ANKRD17: variants seen among roughly 807,000 people sequenced by gnomAD.
ANKRD17 encodes ankyrin repeat domain 17.
A neutral mutation model predicts 229.7 loss-of-function variants in ANKRD17; 19 were observed. The observed-to-expected ratio is 0.08, with a 90% CI of 0.06 to 0.12. ANKRD17 has a LOEUF of 0.12. Ranked by LOEUF, ANKRD17 falls within the 10% of genes least tolerant of loss-of-function variation. The pLI, the probability that ANKRD17 is intolerant of heterozygous loss-of-function variation, is 1.00. For synonymous variants in ANKRD17, 1,112 were observed against 1,146.1 expected, an observed-to-expected ratio of 0.97 and a Z score of 0.60; for missense variants, 2,176 against 3,176.8, an observed-to-expected ratio of 0.68 and a Z score of 7.57.
At chr4:73,195,910 T>C (rs1177769423) in intron 1 of ANKRD17, among the ~76,000 whole-genome samples, 1 of 152,194 alleles carries the variant, frequency 6.6e-6, no homozygotes, top group Non-Finnish European at 1.5e-5. Flanking sequence ...TTACATTTTT[T>C]CACTGCCAGT....
chr4:73,200,078 C>T (rs1329234791), intron 1 of ANKRD17, among the ~76,000 whole-genome samples: 2 of 152,082 alleles, frequency 1.3e-5, no homozygotes, highest in South Asian at 2.1e-4. Flanking sequence ...CAGGAGGAAA[C>T]ATTTTGTCTA....
intron 6 of ANKRD17, 44 bp downstream of exon 6, chr4:73,153,836 T>C: frequency 8.0e-7 from 1 of 1,247,366 alleles, no homozygotes; most frequent in Non-Finnish European, 1.1e-6. Flanking sequence ...AATTATAATT[T>C]CACATATTTA....
In ANKRD17 at chr4:73,126,833, G is replaced by A. The variant is rs191944886; in HGVS notation, c.3235-1521C>T. On this transcript the variant is annotated intron_variant, in intron 16 of 33. Transcript: ENST00000358602. ...TGCAATCTCTGCCTCCTGGGTTCAC[G>A]CAACGCTCCCTGCCTCAGCTTCCTG... Among the ~76,000 whole-genome samples, 532 of 152,226 alleles carry A rather than the reference G, an allele frequency of 3.5e-3. 1 individual carries two copies. The highest frequency in any genetic ancestry group is 4.4e-3 in the Non-Finnish European group (299 of 68,020).
intron 1 of ANKRD17, among the ~76,000 whole-genome samples, chr4:73,200,587 T>G (rs1738533238): frequency 1.3e-5 from 2 of 152,210 alleles, no homozygotes; most frequent in East Asian, 3.9e-4. Flanking sequence ...AGATTAAAAT[T>G]AATAACTCCA....
At chr4:73,149,536 G>T (rs1356886212) in intron 7 of ANKRD17, among the ~76,000 whole-genome samples, 1 of 152,102 alleles carries the variant, frequency 6.6e-6, no homozygotes, top group Admixed American at 6.5e-5. Context: ...TGCGTACATG[G>T]TACTTTCTAT....
chr4:73,122,380 C>T (rs1285406134), intron 18 of ANKRD17, among the ~76,000 whole-genome samples: 1 of 152,120 alleles, frequency 6.6e-6, no homozygotes, highest in Admixed American at 6.6e-5. Context: ...TGAGTCTTGG[C>T]AACATCTGTT....
At chr4:73,144,690 T>C (rs1446650583) in intron 11 of ANKRD17, 55 bp downstream of exon 11, 3 of 1,239,532 alleles carry the variant, frequency 2.4e-6, no homozygotes, top group Non-Finnish European at 3.3e-6. Flanking sequence ...AATCTCTAAA[T>C]GAAGGCAGGG....
intron 1 of ANKRD17, among the ~76,000 whole-genome samples, chr4:73,208,301 CT>C (rs1445955256): frequency 6.7e-6 from 1 of 149,832 alleles, no homozygotes; most frequent in African/African-American, 2.5e-5. Context: ...CCATAAAAAA[CT>C]CATTCAACAA....
chr4:73,147,495 A>C, intron 8 of ANKRD17, 63 bp from the exon 9 acceptor site: 1 of 1,282,640 alleles, frequency 7.8e-7, no homozygotes, highest in Non-Finnish European at 1.0e-6. Context: ...TATGAAAAAC[A>C]TGATTGTTTC....
chr4:73,203,701 G>A (rs1304226406), intron 1 of ANKRD17, among the ~76,000 whole-genome samples: 3 of 143,130 alleles, frequency 2.1e-5, no homozygotes, highest in Admixed American at 7.5e-5. Context: ...GGAGCTTGCA[G>A]TGAGTCGAGA....
chr4:73,197,741 C>T (rs967250318), intron 1 of ANKRD17, among the ~76,000 whole-genome samples: 1 of 151,932 alleles, frequency 6.6e-6, no homozygotes, highest in Non-Finnish European at 1.5e-5. Context: ...GGGACTGTGC[C>T]CAGGAGTTTG....
At chr4:73,076,854 T>G in intron 33 of ANKRD17, 86 bp downstream of exon 33, 1 of 1,449,770 alleles carries the variant, frequency 6.9e-7, no homozygotes, top group Non-Finnish European at 9.3e-7. Flanking sequence ...CAAACTCTCT[T>G]GCTATCATGA....
chr4:73,204,927 T>C (rs36074342), intron 1 of ANKRD17, among the ~76,000 whole-genome samples: 19,277 of 151,946 alleles, frequency 0.13, 1,637 homozygotes, highest in East Asian at 0.27. Flanking sequence ...AAATACTTTT[T>C]TTGTGAGTAA....
chr4:73,234,787 G>A (rs775028490), intron 1 of ANKRD17, among the ~76,000 whole-genome samples: 4 of 152,164 alleles, frequency 2.6e-5, no homozygotes, highest in Non-Finnish European at 5.9e-5. Context: ...TGAAACTTCA[G>A]GCCTAAGAGT....
intron 1 of ANKRD17, among the ~76,000 whole-genome samples, chr4:73,245,372 A>AT (rs1420879037): frequency 1.3e-5 from 2 of 152,218 alleles, no homozygotes. Flanking sequence ...CAGGGTGATC[A>AT]TCCTCAGTGA....
intron 1 of ANKRD17, among the ~76,000 whole-genome samples, chr4:73,213,221 T>G (rs886972065): frequency 1.3e-5 from 2 of 152,060 alleles, no homozygotes; most frequent in Non-Finnish European, 2.9e-5. Flanking sequence ...ACTAGGCAAG[T>G]GGCAACAGGA....
At chr4:73,080,830 G>A (rs1449845404) in intron 30 of ANKRD17, 2 of 152,210 alleles carry the variant, frequency 1.3e-5, no homozygotes, top group Admixed American at 6.5e-5. Flanking sequence ...TTTATGAGAC[G>A]GTCTCACTAT....
intron 2 of ANKRD17, among the ~76,000 whole-genome samples, chr4:73,176,325 T>C (rs572894813): frequency 2.6e-4 from 39 of 152,188 alleles, no homozygotes; most frequent in Non-Finnish European, 3.2e-4. Context: ...GATGTGGAGA[T>C]AAGGGAATCC....
chr4:73,224,073 T>A (rs930171763), intron 1 of ANKRD17, among the ~76,000 whole-genome samples: 2 of 152,126 alleles, frequency 1.3e-5, no homozygotes, highest in African/African-American at 2.4e-5. Context: ...CTGGCCAACA[T>A]GGTGAAACCC....
Sources: gnomAD v4.1 joint callset for allele counts (sites outside exome capture counted in the v4.1 genomes callset) on GRCh38, gnomAD v4.1.1 for gene constraint, MANE v1.5 for transcripts, NCBI Gene and HGNC (gene_info 2026-07-23, HGNC 2026-07-21) for gene names.